KIRREL2: variants seen among roughly 807,000 people sequenced by gnomAD.
The protein encoded by KIRREL2 is kirre like nephrin family adhesion molecule 2, also known as kin of IRRE-like protein 2.
A neutral mutation model predicts 73.4 loss-of-function variants in KIRREL2; 56 were observed. The observed-to-expected ratio is 0.76, with a 90% CI of 0.62 to 0.95. The LOEUF (loss-of-function observed/expected upper bound fraction) is 0.95. Among genes scored for constraint, KIRREL2 ranks in the 40% least tolerant of loss-of-function variants. KIRREL2 has a pLI of 0.00. For synonymous variants in KIRREL2, 407 were observed against 404.0 expected (o/e 1.01, Z -0.09); for missense variants, 896 against 935.0 (o/e 0.96, Z 0.54).
chr19:35,851,402 A>T (rs758685503), upstream of KIRREL2: 1 of 1,612,886 alleles, frequency 6.2e-7, no homozygotes, highest in East Asian at 2.2e-5. Context: ...GGGAGCCGGA[A>T]GTCAGGGCCG....
At chr19:35,856,450 G>T (rs1305978087), upstream of KIRREL2, 2 of 154,942 alleles carry the variant, frequency 1.3e-5, no homozygotes, top group African/African-American at 4.8e-5. The surrounding 1 kb of genome is among the most constrained non-coding windows in gnomAD (Gnocchi z 5.9). Flanking sequence ...GGGAGTCGAG[G>T]TAGGGGTCCC....
chr19:35,866,288 C>T lies in KIRREL2; in HGVS notation c.1923C>T (p.Asp641=). 2 of 1,612,872 alleles carry T rather than the reference C, an allele frequency of 1.2e-6. No individual in the cohort carries two copies. The highest frequency in any genetic ancestry group is 1.7e-6 in the Non-Finnish European group (2 of 1,179,004). Residue 641 remains aspartate, a synonymous_variant, in exon 15 of 15, where the codon GAC becomes GAT. Transcript: ENST00000360202. ...CCCCAGGGACCCCTACCTTCTATGA[C>T]TTCAACCCACACCTGGGCATGGTCC... ...LGPPGTPTFY[D]FNPHLGMVPP...
At chr19:35,864,853 C>T (rs1005152516) in intron 14 of KIRREL2, 140 bp downstream of exon 14, 3 of 655,580 alleles carry the variant, frequency 4.6e-6, no homozygotes, top group Non-Finnish European at 5.4e-6. Flanking sequence ...CTCCCCACCC[C>T]ACTCCTCCTG....
chr19:35,856,854 C>T, upstream of KIRREL2: 1 of 550,802 alleles, frequency 1.8e-6, no homozygotes. This position sits in a 1 kb window ranked among gnomAD's most constrained non-coding sequence, Gnocchi z 5.9. Flanking sequence ...GAGGGCGGAG[C>T]TCCCGGGGGG....
At position 35,856,992 on chromosome 19, in the gene KIRREL2, A is replaced by C; in HGVS notation, c.-128A>C. 1 of 953,554 alleles carries C rather than the reference A, an allele frequency of 1.0e-6. No homozygotes were observed. The highest frequency in any genetic ancestry group is 1.6e-5 in the African/African-American group (1 of 62,154). 59.1% of individuals were successfully genotyped at this position (953,554 alleles called of 1,614,324 possible). On this transcript the variant is annotated 5_prime_UTR_variant, in exon 1 of 15. Coordinates refer to ENST00000360202, the MANE Select transcript of KIRREL2 (RefSeq NM_199180.4). This position sits in a 1 kb window ranked among gnomAD's most constrained non-coding sequence, Gnocchi z 5.9. ...GCAGACTTGGAGGACTCCAGGCCAG[A>C]GACTAGGCTGGGCGAAGAGTCGAGC... is the stretch of plus-strand genomic sequence containing the variant.
chr19:35,864,124 C>A (rs1973846574), intron 13 of KIRREL2, among the ~76,000 whole-genome samples: 1 of 151,980 alleles, frequency 6.6e-6, no homozygotes. Flanking sequence ...CACCCAAGTC[C>A]ATGCCCCTGA....
chr19:35,856,995 C>A lies in KIRREL2; in HGVS notation c.-125C>A. 1.0e-6 allele frequency: 1 copy of A among 978,972 alleles called. No individual in the cohort carries two copies. 60.6% of individuals were successfully genotyped at this position (978,972 alleles called of 1,614,324 possible). On this transcript the variant is annotated 5_prime_UTR_variant, in exon 1 of 15. Coordinates refer to ENST00000360202, the MANE Select transcript of KIRREL2 (RefSeq NM_199180.4). The surrounding 1 kb of genome is among the most constrained non-coding windows in gnomAD (Gnocchi z 5.9). ...GACTTGGAGGACTCCAGGCCAGAGA[C>A]TAGGCTGGGCGAAGAGTCGAGCGTG...
Position 35,857,021 on chromosome 19 carries a change from A to T in KIRREL2, c.-99A>T, listed in dbSNP as rs1372309931. On this transcript the variant is annotated 5_prime_UTR_variant, in exon 1 of 15. Transcript: ENST00000360202. ...TAGGCTGGGCGAAGAGTCGAGCGTG[A>T]AGGGGGCTCCGGGCCAGGGTGACAG... The T allele has an allele frequency of 1.6e-6, 2 of 1,244,072 alleles. No individual in the cohort carries two copies. Among genetic ancestry groups the T allele is most frequent in the African/African-American group, 3.0e-5 (2 of 67,662 alleles). 77.1% of individuals were successfully genotyped at this position (1,244,072 alleles called of 1,614,324 possible).
chr19:35,857,990 C>CA (rs112446441), intron 2 of KIRREL2, among the ~76,000 whole-genome samples: 13,019 of 77,998 alleles, frequency 0.17, 1,291 homozygotes, highest in African/African-American at 0.34. Flanking sequence ...GACCCTGTCT[C>CA]AAAAAAAAAA....
upstream of KIRREL2, among the ~76,000 whole-genome samples, chr19:35,855,384 G>A (rs1411293772): frequency 1.3e-5 from 2 of 151,738 alleles, no homozygotes; most frequent in Non-Finnish European, 2.9e-5. Context: ...TTCCATGTCC[G>A]TAGCCCCAGA....
In KIRREL2 at chr19:35,858,570, C is replaced by A. The variant is rs1460969228; in HGVS notation, c.361+13C>A. The A allele has an allele frequency of 6.2e-7, 1 of 1,613,506 alleles. No homozygotes were observed. Among genetic ancestry groups the A allele is most frequent in the Non-Finnish European group, 8.5e-7 (1 of 1,179,538 alleles). ...CTGCACGTGCTGGGTAAGGACCTCG[C>A]CCACTTGTCCCCTGGGAGCCCAAGA... On this transcript the variant is annotated intron_variant, in intron 3 of 14. Transcript: ENST00000360202.
chr19:35,854,162 T>A (rs4805145), upstream of KIRREL2, among the ~76,000 whole-genome samples: 1,480 of 152,038 alleles, frequency 9.7e-3, 29 homozygotes, highest in Admixed American at 0.053. Context: ...TAATTTTTTT[T>A]AAATGTTTTT....
chr19:35,852,440 G>A (rs906445014), upstream of KIRREL2, among the ~76,000 whole-genome samples: 5 of 152,110 alleles, frequency 3.3e-5, no homozygotes, highest in Admixed American at 6.5e-5. Context: ...CTAGGAGAGC[G>A]ATGAGGCTGA....
At chr19:35,861,673 C>T in intron 10 of KIRREL2, 32 bp downstream of exon 10, 2 of 1,606,402 alleles carry the variant, frequency 1.2e-6, no homozygotes, top group South Asian at 1.1e-5. Flanking sequence ...CGTGACCCAT[C>T]CAGCCGTGAT....
Position 35,863,188 on chromosome 19 carries a change from C to T in KIRREL2, c.1725+152C>T, listed in dbSNP as rs756622903. On this transcript the variant is annotated intron_variant, in intron 13 of 14. Transcript: ENST00000360202. ...CTTTGGGAGGTGGAGACACAAGGAT[C>T]ACTTAAGGCCAGGAATTCAAAGCCA... is the stretch of plus-strand genomic sequence containing the variant. 8.5e-6 allele frequency: 5 copies of T among 588,542 alleles called. 1 individual carries two copies. The highest frequency in any genetic ancestry group is 5.9e-5 in the Admixed American group (2 of 34,022). The allele number at this position is 588,542 out of a possible 1,614,324, so 36.5% of individuals were successfully genotyped here. A position where few individuals can be genotyped will look rare whatever the true frequency, so the allele number is the denominator to read the frequency against.
intron 5 of KIRREL2, 85 bp downstream of exon 5, chr19:35,859,716 A>G (rs1022865721): frequency 2.7e-6 from 4 of 1,493,300 alleles, no homozygotes; most frequent in Middle Eastern, 2.4e-4. Context: ...CCCTTGGGGA[A>G]TGAGGAAACT....
chr19:35,865,939 A>G (rs113946943), intron 14 of KIRREL2, among the ~76,000 whole-genome samples: 1 of 150,958 alleles, frequency 6.6e-6, no homozygotes, highest in South Asian at 2.1e-4. Flanking sequence ...CTCCGTCTCT[A>G]CCTTTCTCTG....
Position 35,866,396 on chromosome 19 carries a change from A to G in KIRREL2, c.2031A>G (p.Thr677=), listed in dbSNP as rs1418104815. 6 of 1,608,852 alleles carry G rather than the reference A, an allele frequency of 3.7e-6. No homozygotes were observed. In the South Asian group the frequency reaches 4.4e-5, roughly 12 times the overall value. Residue 677 remains threonine (T), a synonymous_variant, in exon 15 of 15, where the codon ACA becomes ACG. Transcript: ENST00000360202. The part of the protein sequence containing the change: ...PRAFTSYIKP[T]SFGPPDLAPG... ...CTTTCACCAGCTACATCAAACCCAC[A>G]TCCTTTGGGCCCCCAGATCTGGCCC... is the stretch of plus-strand genomic sequence containing the variant.
At chr19:35,856,839 G>C (rs531163082), upstream of KIRREL2, 18 of 514,858 alleles carry the variant, frequency 3.5e-5, no homozygotes, top group Non-Finnish European at 5.9e-5. This position sits in a 1 kb window ranked among gnomAD's most constrained non-coding sequence, Gnocchi z 5.9. Flanking sequence ...GTTTCTCAAC[G>C]GGAAGAGGGC....
Sources: gnomAD v4.1 joint callset for allele counts (sites outside exome capture counted in the v4.1 genomes callset) on GRCh38, gnomAD v4.1.1 for gene constraint, Gnocchi (gnomAD v3.1) non-coding constraint, MANE v1.5 for transcripts, NCBI Gene and HGNC (gene_info 2026-07-23, HGNC 2026-07-21) for gene names.